TES: variants seen among roughly 807,000 people sequenced by gnomAD.
TES encodes testin LIM domain protein.
Under a neutral mutation model 48.2 loss-of-function variants are expected in TES, and 41 were observed. The ratio of observed to expected loss-of-function variants is 0.85; its 90% CI spans 0.66 to 1.10. The LOEUF is 1.10. Ranked by LOEUF, TES falls within the 50% of genes least tolerant of loss-of-function variation. The pLI, the probability that TES is intolerant of heterozygous loss-of-function variation, is 0.00. For missense variants in TES, 463 were observed against 515.1 expected (o/e 0.90, Z 0.98); for synonymous variants, 162 against 174.9 (o/e 0.93, Z 0.58).
At chr7:116,240,984 TTTTTG>T (rs1305789494) in intron 2 of TES, among the ~76,000 whole-genome samples, 3 of 152,256 alleles carry the variant, frequency 2.0e-5, no homozygotes, top group Non-Finnish European at 2.9e-5. Context: ...TCTGTTTGTG[TTTTTG>T]TTTTAGGTTT....
In TES at chr7:116,251,820, G is replaced by T. The variant is rs1221054601; in HGVS notation, c.763G>T (p.Ala255Ser). 1 of 1,614,190 alleles carries T rather than the reference G, an allele frequency of 6.2e-7. No homozygotes were observed. Residue 255 changes from alanine (A) to serine (S), a missense_variant, in exon 5 of 7, where the codon GCT (alanine) becomes TCT (serine). Transcript: ENST00000358204. Reference sequence around the variant, plus strand: ...TGACCCAGCCATCTATGCCGAAAGGGCTGGCTATGATAAACTGTGGCACCC... The same window carrying T: ...TGACCCAGCCATCTATGCCGAAAGGTCTGGCTATGATAAACTGTGGCACCC... ...EGDPAIYAERAGYDKLWHPAC... is the reference protein window; with the variant it reads ...EGDPAIYAERSGYDKLWHPAC...
At position 116,255,043 on chromosome 7, in the gene TES, C is replaced by T. The variant is rs551420517; in HGVS notation, c.1078-2251C>T. ...TTATTTTTAGACCTGAAATCAAGTGCTCAACTCCAAACAACATTTCTGAGA... is the reference window on the plus strand; with the variant it reads ...TTATTTTTAGACCTGAAATCAAGTGTTCAACTCCAAACAACATTTCTGAGA... On this transcript the variant is annotated intron_variant, in intron 6 of 6. Coordinates refer to ENST00000358204, the MANE Select transcript of TES (RefSeq NM_015641.4). 13 of 150,296 alleles carry T rather than the reference C, an allele frequency of 8.6e-5. No homozygotes were observed. In the South Asian group the frequency reaches 2.3e-3, roughly 27 times the overall value. 9.3% of individuals were successfully genotyped at this position (150,296 alleles called of 1,614,324 possible). A position where few individuals can be genotyped will look rare whatever the true frequency, so the allele number is the denominator to read the frequency against.
intron 1 of TES, among the ~76,000 whole-genome samples, chr7:116,213,057 A>G (rs1297806940): frequency 6.6e-6 from 1 of 152,222 alleles, no homozygotes; most frequent in Non-Finnish European, 1.5e-5. Flanking sequence ...TGATAGTCTA[A>G]CAAAAAGTTT....
intron 2 of TES, among the ~76,000 whole-genome samples, chr7:116,248,704 A>G (rs1406619181): frequency 1.3e-5 from 2 of 152,080 alleles, no homozygotes; most frequent in Admixed American, 6.5e-5. Context: ...AGGATTTGCA[A>G]ATATTTTCTT....
chr7:116,229,250 C>T (rs1347287486), intron 1 of TES, among the ~76,000 whole-genome samples: 4 of 151,966 alleles, frequency 2.6e-5, no homozygotes, highest in Admixed American at 6.6e-5. Flanking sequence ...TTATATCCCT[C>T]ACCAAGAGTT....
At chr7:116,220,525 G>A (rs998240862) in intron 1 of TES, among the ~76,000 whole-genome samples, 1 of 152,144 alleles carries the variant, frequency 6.6e-6, no homozygotes, top group Non-Finnish European at 1.5e-5. Flanking sequence ...TGCAAAACAT[G>A]GATAGTACTT....
chr7:116,252,272 T>C (rs1800026894), intron 5 of TES, 46 bp from the exon 6 acceptor site: 1 of 1,548,422 alleles, frequency 6.5e-7, no homozygotes, highest in Non-Finnish European at 8.8e-7. Flanking sequence ...CAGATATAAA[T>C]CTCTTATTAT....
intron 2 of TES, among the ~76,000 whole-genome samples, chr7:116,245,897 G>T (rs1029177541): frequency 2.0e-5 from 3 of 152,106 alleles, no homozygotes; most frequent in African/African-American, 7.2e-5. Context: ...AAGGAGAAGT[G>T]CCGAGCAAAA....
chr7:116,210,594 C>T lies in TES; in HGVS notation c.-114C>T. ...CGGCGCCGGGCGAGTGGCTGTTGAG[C>T]GGCGCCGCGGGAGTTCCGCAGGTTT... On this transcript the variant is annotated 5_prime_UTR_variant, in exon 1 of 7. Coordinates refer to ENST00000358204, the MANE Select transcript of TES (RefSeq NM_015641.4). The T allele has an allele frequency of 3.5e-6, 4 of 1,154,720 alleles. No individual in the cohort carries two copies. Among genetic ancestry groups the T allele is most frequent in the South Asian group, 6.6e-5 (2 of 30,254 alleles). The allele number at this position is 1,154,720 out of a possible 1,614,324, so 71.5% of individuals were successfully genotyped here. A position where few individuals can be genotyped will look rare whatever the true frequency, so the allele number is the denominator to read the frequency against.
intron 6 of TES, chr7:116,254,981 G>C (rs533821543): frequency 2.0e-5 from 3 of 147,412 alleles, no homozygotes; most frequent in African/African-American, 5.1e-5. Context: ...GCATTGATCT[G>C]CTTAGATCTT....
chr7:116,225,843 G>T (rs890015714), intron 1 of TES, among the ~76,000 whole-genome samples: 2 of 152,114 alleles, frequency 1.3e-5, no homozygotes, highest in African/African-American at 4.8e-5. Context: ...AGGAAATAGG[G>T]CTTCTTTATC....
chr7:116,224,492 A>G (rs1286757695), intron 1 of TES, among the ~76,000 whole-genome samples: 1 of 152,182 alleles, frequency 6.6e-6, no homozygotes, highest in Non-Finnish European at 1.5e-5. Context: ...TTGAGTAAAC[A>G]CCTTTCAATT....
intron 1 of TES, among the ~76,000 whole-genome samples, chr7:116,218,355 T>C (rs923859551): frequency 6.6e-6 from 1 of 152,156 alleles, no homozygotes; most frequent in Non-Finnish European, 1.5e-5. Flanking sequence ...AGTCCATTAA[T>C]GCATCTCTAG....
chr7:116,237,025 A>G (rs1799781075), intron 2 of TES, among the ~76,000 whole-genome samples: 1 of 152,196 alleles, frequency 6.6e-6, no homozygotes, highest in African/African-American at 2.4e-5. Flanking sequence ...CACCATAGCT[A>G]AAAGAGCTGA....
At chr7:116,251,432 C>G (rs546136561) in intron 4 of TES, 1 of 269,456 alleles carries the variant, frequency 3.7e-6, no homozygotes, top group South Asian at 4.6e-5. Context: ...CCTGTAATCC[C>G]AGCACTTTGG....
intron 1 of TES, among the ~76,000 whole-genome samples, chr7:116,228,078 G>A (rs988688281): frequency 4.8e-5 from 7 of 146,674 alleles, no homozygotes; most frequent in East Asian, 2.0e-4. Flanking sequence ...AGGGTCACCT[G>A]AAATGTTGCC....
intron 6 of TES, 90 bp from the exon 7 acceptor site, chr7:116,257,204 T>A (rs1800112559): frequency 2.2e-6 from 3 of 1,358,638 alleles, no homozygotes; most frequent in Non-Finnish European, 2.0e-6. Flanking sequence ...TGAGTTTTAA[T>A]TTATCATCTA....
Position 116,210,633 on chromosome 7 carries a change from C to T in TES, c.-75C>T. 3 of 1,278,164 alleles carry T rather than the reference C, an allele frequency of 2.3e-6. No homozygotes were observed. Among genetic ancestry groups the T allele is most frequent in the Non-Finnish European group, 2.0e-6 (2 of 998,840 alleles). The allele number at this position is 1,278,164 out of a possible 1,614,324, so 79.2% of individuals were successfully genotyped here. ...TTCCGCAGGTTTCCCGTGTTCGCAGCGGAGCCGGAGGCCAGCTGAACCCGG... is the reference window on the plus strand; with the variant it reads ...TTCCGCAGGTTTCCCGTGTTCGCAGTGGAGCCGGAGGCCAGCTGAACCCGG... On this transcript the variant is annotated 5_prime_UTR_variant, in exon 1 of 7. Transcript: ENST00000358204.
chr7:116,248,461 A>G (rs887431974), intron 2 of TES, among the ~76,000 whole-genome samples: 2 of 152,030 alleles, frequency 1.3e-5, no homozygotes, highest in Non-Finnish European at 2.9e-5. Context: ...TTATTTTTTG[A>G]CTTTTTAGTA....
Sources: allele counts gnomAD v4.1 joint callset (sites outside exome capture counted in the v4.1 genomes callset), GRCh38; gene constraint gnomAD v4.1.1; transcripts MANE v1.5; gene names NCBI Gene and HGNC (gene_info 2026-07-23, HGNC 2026-07-21).